Variants in MED13L observed in about 807,000 individuals in gnomAD.
MED13L encodes the protein mediator of RNA polymerase II transcription subunit 13-like.
Under a neutral mutation model 220.9 loss-of-function variants are expected in MED13L, and 7 were observed. The ratio of observed to expected loss-of-function variants is 0.03; its 90% CI spans 0.02 to 0.06. The LOEUF (loss-of-function observed/expected upper bound fraction) is 0.06. Ranked by LOEUF, MED13L falls within the 10% of genes least tolerant of loss-of-function variation. The pLI is 1.00. For synonymous variants in MED13L, 1,011 were observed against 1,015.2 expected (o/e 1.00, Z 0.08); for missense variants, 1,965 against 2,760.5 (o/e 0.71, Z 6.46).
intron 2 of MED13L, among the ~76,000 whole-genome samples, chr12:116,120,721 T>A (rs1180365909): frequency 1.3e-5 from 2 of 151,574 alleles, no homozygotes; most frequent in African/African-American, 4.8e-5. Flanking sequence ...GAAAAAAAAA[T>A]AAAAAACAGG....
intron 19 of MED13L, 98 bp from the exon 20 acceptor site, chr12:115,984,470 C>T (rs1174162071): frequency 4.4e-6 from 6 of 1,351,280 alleles, no homozygotes; most frequent in Non-Finnish European, 6.2e-6. Flanking sequence ...CATATGGAAG[C>T]ATTTTCCTTT....
intron 29 of MED13L, 60 bp from the exon 30 acceptor site, chr12:115,963,579 G>A (rs1875922107): frequency 8.0e-7 from 1 of 1,254,920 alleles, no homozygotes; most frequent in Non-Finnish European, 1.2e-6. Flanking sequence ...GCAGAAGTGA[G>A]GGAGGCCATG....
intron 1 of MED13L, among the ~76,000 whole-genome samples, chr12:116,244,155 G>A (rs1006520541): frequency 6.6e-6 from 1 of 152,172 alleles, no homozygotes; most frequent in African/African-American, 2.4e-5. Context: ...GAAATTCCAA[G>A]TCGGCCTCAC....
intron 2 of MED13L, among the ~76,000 whole-genome samples, chr12:116,112,941 TG>T (rs1294045260): frequency 1.3e-5 from 2 of 152,224 alleles, no homozygotes; most frequent in African/African-American, 4.8e-5. Flanking sequence ...ACCATTATTT[TG>T]CAAACCACCA....
intron 5 of MED13L, 102 bp downstream of exon 5, chr12:116,022,354 T>A: frequency 7.4e-7 from 1 of 1,358,024 alleles, no homozygotes. Flanking sequence ...AGCTTTAAAA[T>A]GTCCATTTAA....
At chr12:116,157,395 TACTATGTATCTGAA>T (rs1330123888) in intron 2 of MED13L, among the ~76,000 whole-genome samples, 3 of 152,174 alleles carry the variant, frequency 2.0e-5, no homozygotes, top group Non-Finnish European at 4.4e-5. Flanking sequence ...GCACAGTGCC[TACTATGTATCTGAA>T]AAACAGAACA....
chr12:116,010,833 G>C (rs1179591538), intron 9 of MED13L, among the ~76,000 whole-genome samples: 1 of 152,086 alleles, frequency 6.6e-6, no homozygotes, highest in Non-Finnish European at 1.5e-5. Context: ...GACCACAATA[G>C]GGTTCCAGGT....
intron 2 of MED13L, among the ~76,000 whole-genome samples, chr12:116,115,349 C>A (rs1340423285): frequency 2.0e-5 from 3 of 151,624 alleles, no homozygotes; most frequent in African/African-American, 4.8e-5. Flanking sequence ...AAAAGTAACT[C>A]AAAATGAGAT....
chr12:116,131,753 C>T (rs2138005900), intron 2 of MED13L, among the ~76,000 whole-genome samples: 2 of 152,244 alleles, frequency 1.3e-5, no homozygotes, highest in Non-Finnish European at 2.9e-5. Flanking sequence ...CCAAGGAAGG[C>T]AGATCGCTTC....
At position 116,277,218 on chromosome 12, in the gene MED13L, G is replaced by T; in HGVS notation, c.-87C>A. ...CCGGGCCGGGCGGCGGCGCCTCGCC[G>T]GGGAGCGCGGGGCGGCCGGGCCGCC... On this transcript the variant is annotated 5_prime_UTR_variant, in exon 1 of 31. Coordinates refer to ENST00000281928, the MANE Select transcript of MED13L (RefSeq NM_015335.5). 1.3e-6 allele frequency: 1 copy of T among 752,142 alleles called. No individual in the cohort carries two copies. The highest frequency in any genetic ancestry group is 1.6e-6 in the Non-Finnish European group (1 of 607,132). The allele number at this position is 752,142 out of a possible 1,614,324, so 46.6% of individuals were successfully genotyped here.
At chr12:116,021,240 C>T (rs906941021) in intron 5 of MED13L, among the ~76,000 whole-genome samples, 2 of 152,056 alleles carry the variant, frequency 1.3e-5, no homozygotes, top group Non-Finnish European at 1.5e-5. Context: ...TCTATAGGGA[C>T]CTGGTATTCC....
intron 1 of MED13L, among the ~76,000 whole-genome samples, chr12:116,253,612 T>C (rs1355342337): frequency 6.6e-6 from 1 of 152,056 alleles, no homozygotes; most frequent in African/African-American, 2.4e-5. Flanking sequence ...GTAAGGTTTG[T>C]CGTGGAATTC....
intron 23 of MED13L, among the ~76,000 whole-genome samples, chr12:115,978,926 T>C (rs1272976305): frequency 6.6e-6 from 1 of 152,230 alleles, no homozygotes; most frequent in African/African-American, 2.4e-5. Flanking sequence ...ATAACTTGCA[T>C]AAAACTGTGC....
intron 2 of MED13L, among the ~76,000 whole-genome samples, chr12:116,193,538 A>C (rs948716640): frequency 3.3e-5 from 5 of 152,184 alleles, no homozygotes; most frequent in African/African-American, 1.2e-4. Context: ...ATTTCCAAAA[A>C]AATTCTCAAG....
chr12:116,218,020 C>A (rs960790173), intron 2 of MED13L, among the ~76,000 whole-genome samples: 1 of 152,192 alleles, frequency 6.6e-6, no homozygotes, highest in East Asian at 1.9e-4. Flanking sequence ...TCAACACAAG[C>A]TCGTTGAATT....
At chr12:116,263,268 A>T (rs1007626958) in intron 1 of MED13L, among the ~76,000 whole-genome samples, 3 of 133,148 alleles carry the variant, frequency 2.3e-5, no homozygotes, top group Admixed American at 7.2e-5. Flanking sequence ...TTTATTATGT[A>T]AAAAAAACTA....
At chr12:116,161,561 T>A (rs1381501369) in intron 2 of MED13L, among the ~76,000 whole-genome samples, 1 of 152,170 alleles carries the variant, frequency 6.6e-6, no homozygotes, top group African/African-American at 2.4e-5. Context: ...TGAGGATTAA[T>A]GATGAATAGA....
intron 16 of MED13L, 126 bp from the exon 17 acceptor site, chr12:115,992,083 C>A (rs901369999): frequency 3.5e-6 from 3 of 850,038 alleles, no homozygotes; most frequent in Non-Finnish European, 5.7e-6. Context: ...CTGGGATACA[C>A]TGGTATATTT....
At chr12:116,050,240 C>G (rs1181564588) in intron 4 of MED13L, among the ~76,000 whole-genome samples, 1 of 152,092 alleles carries the variant, frequency 6.6e-6, no homozygotes, top group Non-Finnish European at 1.5e-5. Context: ...TAATGGTAAC[C>G]TGGCAGATCA....
Sources: gnomAD v4.1 joint callset for allele counts (sites outside exome capture counted in the v4.1 genomes callset) on GRCh38, gnomAD v4.1.1 for gene constraint, MANE v1.5 for transcripts, NCBI Gene and HGNC (gene_info 2026-07-23, HGNC 2026-07-21) for gene names.